EFNB2: variants seen among roughly 807,000 people sequenced by gnomAD.
EFNB2 encodes the protein ephrin B2.
EFNB2 carries 5 observed loss-of-function variants against 32.1 expected under a neutral mutation model. That is an observed-to-expected ratio of 0.16 (90% CI 0.08 to 0.33). The LOEUF (loss-of-function observed/expected upper bound fraction) is 0.33, where lower values mean the gene tolerates loss of function less well. Ranked by LOEUF, EFNB2 falls within the 10% of genes least tolerant of loss-of-function variation. The pLI is 1.00. For missense variants in EFNB2, 263 were observed against 422.6 expected (o/e 0.62, Z 3.31); for synonymous variants, 168 against 166.5 (o/e 1.01, Z -0.07).
At chr13:106,531,120 T>C (rs991072749) in intron 1 of EFNB2, among the ~76,000 whole-genome samples, 8 of 152,218 alleles carry the variant, frequency 5.3e-5, no homozygotes, top group African/African-American at 1.9e-4. Flanking sequence ...GCTTATGCTT[T>C]GTAAAAGATT....
intron 2 of EFNB2, among the ~76,000 whole-genome samples, chr13:106,500,172 C>G (rs1197102436): frequency 6.6e-6 from 1 of 152,308 alleles, no homozygotes; most frequent in East Asian, 1.9e-4. Context: ...GGAAGTAGTA[C>G]TCCATTTTCA....
intron 2 of EFNB2, among the ~76,000 whole-genome samples, chr13:106,502,811 T>C (rs1594164553): frequency 6.6e-6 from 1 of 151,334 alleles, no homozygotes; most frequent in Non-Finnish European, 1.5e-5. Context: ...GGAAAGCTAC[T>C]GGCTACAGAC....
At chr13:106,495,098 G>A (rs1447245650) in intron 3 of EFNB2, 104 bp from the exon 4 acceptor site, 1 of 854,148 alleles carries the variant, frequency 1.2e-6, no homozygotes, top group South Asian at 1.5e-5. Flanking sequence ...ATGAACATAA[G>A]AGTCTTTATG....
At chr13:106,534,811 G>C in intron 1 of EFNB2, 32 bp downstream of exon 1, 1 of 1,592,056 alleles carries the variant, frequency 6.3e-7, no homozygotes, top group Non-Finnish European at 8.6e-7. Context: ...ACCCCGGGGC[G>C]GGGACATAGG....
chr13:106,504,428 C>A (rs546091997), intron 2 of EFNB2, among the ~76,000 whole-genome samples: 1 of 152,146 alleles, frequency 6.6e-6, no homozygotes, highest in African/African-American at 2.4e-5. Flanking sequence ...CTTAGATGGA[C>A]ATCACAGCTT....
chr13:106,498,643 A>G (rs1203971260), intron 2 of EFNB2, among the ~76,000 whole-genome samples: 1 of 152,218 alleles, frequency 6.6e-6, no homozygotes, highest in Admixed American at 6.5e-5. Flanking sequence ...TTAAGAGTGA[A>G]AACTTTTTTA....
chr13:106,532,994 A>G (rs1232796536), intron 1 of EFNB2, among the ~76,000 whole-genome samples: 1 of 152,144 alleles, frequency 6.6e-6, no homozygotes, highest in East Asian at 1.9e-4. Context: ...ACACAAACTA[A>G]TAGTTAATAT....
intron 2 of EFNB2, among the ~76,000 whole-genome samples, chr13:106,509,008 C>T (rs1202857045): frequency 2.0e-5 from 3 of 152,184 alleles, no homozygotes; most frequent in Non-Finnish European, 2.9e-5. Flanking sequence ...TGAAACCACA[C>T]TAACAAGTGA....
chr13:106,527,715 T>C (rs1449970084), intron 1 of EFNB2, among the ~76,000 whole-genome samples: 1 of 152,258 alleles, frequency 6.6e-6, no homozygotes. Flanking sequence ...ATTTTATAAC[T>C]GGTCACCTAC....
At chr13:106,512,051 G>A (rs1660841758) in intron 2 of EFNB2, among the ~76,000 whole-genome samples, 1 of 152,158 alleles carries the variant, frequency 6.6e-6, no homozygotes, top group African/African-American at 2.4e-5. Context: ...TCTCTAGACT[G>A]TTAACTTCTT....
chr13:106,519,792 TTGTGA>T (rs933544482), intron 1 of EFNB2: 1 of 152,212 alleles, frequency 6.6e-6, no homozygotes, highest in Non-Finnish European at 1.5e-5. Context: ...GTCAATGCTT[TTGTGA>T]TAAGATTAAA....
chr13:106,511,794 C>T (rs976055028), intron 2 of EFNB2, among the ~76,000 whole-genome samples: 8 of 152,050 alleles, frequency 5.3e-5, no homozygotes, highest in East Asian at 1.9e-4. Flanking sequence ...ATGACGCTGA[C>T]GAGAGATCTG....
At chr13:106,528,948 T>C (rs564561531) in intron 1 of EFNB2, among the ~76,000 whole-genome samples, 2 of 152,348 alleles carry the variant, frequency 1.3e-5, no homozygotes, top group African/African-American at 2.4e-5. Context: ...AAGACTCACA[T>C]TTACGAGTAA....
intron 1 of EFNB2, among the ~76,000 whole-genome samples, chr13:106,522,166 G>GCAAGTGAGAAGGGGGGTGATCTCA (rs1879544940): frequency 1.3e-5 from 2 of 152,138 alleles, no homozygotes; most frequent in Non-Finnish European, 2.9e-5. Context: ...TGTACAGTGG[G>GCAAGTGAGAAGGGGGGTGATCTCA]CAAGTGAGAA....
intron 2 of EFNB2, among the ~76,000 whole-genome samples, chr13:106,505,662 T>C (rs537792503): frequency 1.3e-5 from 2 of 152,338 alleles, no homozygotes; most frequent in Non-Finnish European, 2.9e-5. Flanking sequence ...TTTAAAGTTT[T>C]ATCTTCCTGA....
At chr13:106,528,766 G>C (rs540552223) in intron 1 of EFNB2, among the ~76,000 whole-genome samples, 1 of 152,302 alleles carries the variant, frequency 6.6e-6, no homozygotes, top group Non-Finnish European at 1.5e-5. Flanking sequence ...AAGTATGGAA[G>C]GCAAAAACAA....
chr13:106,497,462 T>A (rs373224722), intron 2 of EFNB2, among the ~76,000 whole-genome samples: 1 of 147,012 alleles, frequency 6.8e-6, no homozygotes, highest in African/African-American at 2.5e-5. Context: ...GCAGACAGCT[T>A]AAAAAAAAAA....
chr13:106,525,584 T>G (rs1485319995), intron 1 of EFNB2, among the ~76,000 whole-genome samples: 1 of 152,210 alleles, frequency 6.6e-6, no homozygotes, highest in Non-Finnish European at 1.5e-5. Context: ...ATTTTCTTTA[T>G]TTCAGCTGTC....
At chr13:106,512,910 C>G in intron 1 of EFNB2, 98 bp from the exon 2 acceptor site, 1 of 986,260 alleles carries the variant, frequency 1.0e-6, no homozygotes. Context: ...TCCCAAACTA[C>G]ACATTTTCAG....
Sources: allele counts gnomAD v4.1 joint callset (sites outside exome capture counted in the v4.1 genomes callset), GRCh38; gene constraint gnomAD v4.1.1; transcripts MANE v1.5; gene names NCBI Gene and HGNC (gene_info 2026-07-23, HGNC 2026-07-21).